PHLDB2: variants seen among roughly 807,000 people sequenced by gnomAD.
PHLDB2 encodes the protein pleckstrin homology-like domain family B member 2.
In PHLDB2, 71 loss-of-function variants were observed where a neutral mutation model predicts 123.6. That is an observed-to-expected ratio of 0.57 (90% CI 0.47 to 0.70). PHLDB2 has a LOEUF of 0.70. PHLDB2 is among the 30% of genes least tolerant of loss of function. The pLI, the probability that PHLDB2 is intolerant of heterozygous loss-of-function variation, is 0.00. For missense variants in PHLDB2, 1,446 were observed against 1,519.5 expected (o/e 0.95, Z 0.80); for synonymous variants, 547 against 541.6 (o/e 1.01, Z -0.14).
chr3:111,880,101 C>T lies in PHLDB2; in HGVS notation c.-14-3963C>T, dbSNP rs139901179. On this transcript the variant is annotated intron_variant, in intron 1 of 17. Transcript: ENST00000431670. ...AACATCTGGACACAGTTTTCTCCAG[C>T]GGATATGTATTATTTTAGGCTCCAT... 2.6e-3 allele frequency among the ~76,000 whole-genome samples: 386 copies of T among 150,756 alleles called. 1 individual carries two copies. The highest frequency in any genetic ancestry group is 9.2e-3 in the African/African-American group (377 of 40,998).
intron 16 of PHLDB2, among the ~76,000 whole-genome samples, chr3:111,970,420 T>C (rs887380823): frequency 4.6e-5 from 7 of 152,284 alleles, no homozygotes; most frequent in African/African-American, 1.7e-4. Context: ...TTGTCATACG[T>C]CCCATTTAAG....
chr3:111,956,562 G>A (rs952385570), intron 12 of PHLDB2, among the ~76,000 whole-genome samples: 10 of 152,316 alleles, frequency 6.6e-5, no homozygotes, highest in Middle Eastern at 3.4e-3. Context: ...TGCTGTAACT[G>A]TGAAGTGCTC....
chr3:111,859,312 G>A lies in PHLDB2; in HGVS notation c.-279G>A, dbSNP rs946165240. 13 of 985,396 alleles carry A rather than the reference G, an allele frequency of 1.3e-5. No individual in the cohort carries two copies. Among genetic ancestry groups the A allele is most frequent in the African/African-American group, 1.7e-5 (1 of 57,252 alleles). The allele number at this position is 985,396 out of a possible 1,614,324, so 61.0% of individuals were successfully genotyped here. A position where few individuals can be genotyped will look rare whatever the true frequency, so the allele number is the denominator to read the frequency against. The stretch of plus-strand genomic sequence containing the variant: ...TTTGAGAAGCTGGCGCCCAGTGATG[G>A]GGCAAACAGCCATGCCCTTCCAGCA... On this transcript the variant is annotated 5_prime_UTR_variant, in exon 1 of 18. Coordinates refer to ENST00000431670, the MANE Select transcript of PHLDB2 (RefSeq NM_001134438.2).
At chr3:111,880,761 T>C (rs2065894554) in intron 1 of PHLDB2, among the ~76,000 whole-genome samples, 1 of 152,014 alleles carries the variant, frequency 6.6e-6, no homozygotes, top group African/African-American at 2.4e-5. Context: ...GATTAAAAAA[T>C]ATATAAATAA....
In PHLDB2 at chr3:111,810,828, A is replaced by G. The variant is rs536241817; in HGVS notation, c.-48-34993A>G. Among the ~76,000 whole-genome samples, 4 of 152,366 alleles carry G rather than the reference A, an allele frequency of 2.6e-5. No homozygotes were observed. In the South Asian group the frequency reaches 6.2e-4, roughly 24 times the overall value. On this transcript the variant is annotated intron_variant, in intron 1 of 17. Coordinates refer to the PHLDB2 transcript ENST00000393923. ...ACAACGGAATCCTTTGTCCAAAATA[A>G]ATTTTACAAAGATCCTCAGTATATA... is the stretch of plus-strand genomic sequence containing the variant.
At chr3:111,755,712 C>T in intron 1 of PHLDB2, among the ~76,000 whole-genome samples, 1 of 119,708 alleles carries the variant, frequency 8.4e-6, no homozygotes, top group Non-Finnish European at 1.6e-5. Flanking sequence ...TGTGTTTGCT[C>T]TTGCTTTTCT....
intron 1 of PHLDB2, among the ~76,000 whole-genome samples, chr3:111,866,931 GT>G (rs2065116337): frequency 1.0e-3 from 4 of 3,838 alleles, no homozygotes; most frequent in South Asian, 0.021. Context: ...TTTCTAAGGG[GT>G]GTGTGTGTGT....
chr3:111,811,334 A>T lies in PHLDB2; in HGVS notation c.-48-34487A>T, dbSNP rs575745432. ...CCAAGTCTCTTCATGAAATCATTTTAAAAAATGTATTCTACTGTGGTCAGG... is the reference window on the plus strand; with the variant it reads ...CCAAGTCTCTTCATGAAATCATTTTTAAAAATGTATTCTACTGTGGTCAGG... On this transcript the variant is annotated intron_variant, in intron 1 of 17. Coordinates refer to the PHLDB2 transcript ENST00000393923. Among the ~76,000 whole-genome samples the T allele has an allele frequency of 6.4e-4, 98 of 152,190 alleles. No homozygotes were observed. In the South Asian group the frequency reaches 0.02, roughly 30 times the overall value.
chr3:111,857,845 C>T (rs1032612884), upstream of PHLDB2, among the ~76,000 whole-genome samples: 35 of 152,286 alleles, frequency 2.3e-4, no homozygotes, highest in African/African-American at 6.3e-4. Context: ...AACGCTTTTA[C>T]ACTGTTGGTG....
chr3:111,963,926 T>C (rs1459948443), intron 13 of PHLDB2, among the ~76,000 whole-genome samples: 1 of 152,222 alleles, frequency 6.6e-6, no homozygotes, highest in Non-Finnish European at 1.5e-5. Flanking sequence ...TTATCACTTA[T>C]TTTCCATCAT....
At chr3:111,966,760 GC>G in intron 14 of PHLDB2, 57 bp downstream of exon 14, 1 of 1,390,652 alleles carries the variant, frequency 7.2e-7, no homozygotes, top group South Asian at 1.2e-5. Flanking sequence ...GGAGCCCTGC[GC>G]TTGGCATCAG....
At chr3:111,738,403 C>T (rs2059545817) in intron 1 of PHLDB2, among the ~76,000 whole-genome samples, 1 of 152,178 alleles carries the variant, frequency 6.6e-6, no homozygotes, top group South Asian at 2.1e-4. Flanking sequence ...AGTTTCACAT[C>T]TTTACTCATC....
chr3:111,870,728 T>C (rs989481700), intron 1 of PHLDB2, among the ~76,000 whole-genome samples: 1 of 152,178 alleles, frequency 6.6e-6, no homozygotes, highest in East Asian at 1.9e-4. Flanking sequence ...CTGTAAAGAA[T>C]GGCACTGCTT....
chr3:111,779,106 AAACT>A (rs984994147), intron 1 of PHLDB2, among the ~76,000 whole-genome samples: 2 of 152,068 alleles, frequency 1.3e-5, no homozygotes, highest in Non-Finnish European at 2.9e-5. Flanking sequence ...TCTGGAGAAA[AAACT>A]AACAAGTTCC....
intron 1 of PHLDB2, 127 bp downstream of exon 1, chr3:111,859,703 T>G: frequency 1.0e-6 from 1 of 983,272 alleles, no homozygotes; most frequent in Non-Finnish European, 1.2e-6. Context: ...TGCGGAGGGT[T>G]GGGGGCGGAG....
chr3:111,887,746 G>C (rs1197618784), intron 2 of PHLDB2, among the ~76,000 whole-genome samples: 1 of 151,822 alleles, frequency 6.6e-6, no homozygotes, highest in Non-Finnish European at 1.5e-5. Context: ...CTGTATCTTA[G>C]GCTCTTAATT....
intron 1 of PHLDB2, among the ~76,000 whole-genome samples, chr3:111,879,980 A>G (rs1044243744): frequency 5.0e-5 from 5 of 99,824 alleles, no homozygotes; most frequent in Non-Finnish European, 5.9e-5. Flanking sequence ...CCCTTTACCC[A>G]CTGCCTTTTT....
intron 16 of PHLDB2, among the ~76,000 whole-genome samples, chr3:111,971,782 T>C (rs1027999303): frequency 6.6e-6 from 1 of 152,184 alleles, no homozygotes; most frequent in African/African-American, 2.4e-5. Context: ...CGTGTACTTG[T>C]GAAGGAGCTG....
chr3:111,952,054 G>A (rs1464241872), intron 10 of PHLDB2, among the ~76,000 whole-genome samples: 1 of 152,204 alleles, frequency 6.6e-6, no homozygotes, highest in Non-Finnish European at 1.5e-5. Flanking sequence ...AACCTAGAAT[G>A]ATGCCTTTTA....
Sources: gnomAD v4.1 joint callset for allele counts (sites outside exome capture counted in the v4.1 genomes callset) on GRCh38, gnomAD v4.1.1 for gene constraint, MANE v1.5 for transcripts, NCBI Gene and HGNC (gene_info 2026-07-23, HGNC 2026-07-21) for gene names.